The following ULK4 variants were observed in gnomAD, a reference collection of about 807,000 sequenced individuals.
ULK4 encodes inactive serine/threonine-protein kinase ULK4.
Under a neutral mutation model 160.6 loss-of-function variants are expected in ULK4, and 133 were observed. The observed-to-expected ratio is 0.83, with a 90% CI of 0.72 to 0.96. The LOEUF (loss-of-function observed/expected upper bound fraction) is 0.96, where lower values mean the gene tolerates loss of function less well. Ranked by LOEUF, ULK4 falls within the 40% of genes least tolerant of loss-of-function variation. The pLI is 0.00. For synonymous variants in ULK4, 534 were observed against 539.8 expected, an observed-to-expected ratio of 0.99 and a Z score of 0.15; for missense variants, 1,580 against 1,499.5, an observed-to-expected ratio of 1.05 and a Z score of -0.89.
chr3:41,721,106 T>C (rs1410680257), intron 22 of ULK4, among the ~76,000 whole-genome samples: 1 of 151,652 alleles, frequency 6.6e-6, no homozygotes, highest in Non-Finnish European at 1.5e-5. Flanking sequence ...ATAGGGAACT[T>C]TCGCTTATAA....
At chr3:41,630,756 C>T (rs2033708106) in intron 30 of ULK4, among the ~76,000 whole-genome samples, 1 of 152,182 alleles carries the variant, frequency 6.6e-6, no homozygotes, top group Admixed American at 6.5e-5. Flanking sequence ...GTTCCCTTCC[C>T]CCTGCCTCCT....
intron 22 of ULK4, among the ~76,000 whole-genome samples, chr3:41,730,560 T>C (rs1036019846): frequency 6.6e-6 from 1 of 152,058 alleles, no homozygotes. Context: ...TCTATCAAAA[T>C]TGAATCATGA....
At position 41,607,719 on chromosome 3, in the gene ULK4, G is replaced by C. The variant is rs75038335; in HGVS notation, c.3120+7950C>G. On this transcript the variant is annotated intron_variant, in intron 31 of 36. Coordinates refer to ENST00000301831, the MANE Select transcript of ULK4 (RefSeq NM_017886.4). Reference sequence around the variant, plus strand: ...ATTTGAGCATCCATCAGTGGAGACTGGCTAAACAAATTCTACTAAATACAA... The same window carrying C: ...ATTTGAGCATCCATCAGTGGAGACTCGCTAAACAAATTCTACTAAATACAA... 6.3e-4 allele frequency among the ~76,000 whole-genome samples: 96 copies of C among 152,212 alleles called. No homozygotes were observed. The East Asian group carries it at 7.7e-3, about 12-fold the overall frequency.
intron 18 of ULK4, among the ~76,000 whole-genome samples, chr3:41,825,649 CG>C (rs1436911995): frequency 6.6e-6 from 1 of 152,144 alleles, no homozygotes; most frequent in East Asian, 1.9e-4. Flanking sequence ...CCAAGAAATA[CG>C]GGACTATGTG....
intron 31 of ULK4, among the ~76,000 whole-genome samples, chr3:41,587,120 C>T (rs928963240): frequency 2.0e-5 from 3 of 152,124 alleles, no homozygotes; most frequent in African/African-American, 7.2e-5. Context: ...TAACAGAATT[C>T]AGTTGATTGT....
At chr3:41,732,410 G>T (rs547848807) in intron 22 of ULK4, among the ~76,000 whole-genome samples, 1 of 152,000 alleles carries the variant, frequency 6.6e-6, no homozygotes, top group Non-Finnish European at 1.5e-5. Flanking sequence ...AAACCACAAT[G>T]AGGTATCACC....
chr3:41,339,693 C>T (rs2080641083), intron 35 of ULK4, among the ~76,000 whole-genome samples: 1 of 152,168 alleles, frequency 6.6e-6, no homozygotes, highest in African/African-American at 2.4e-5. Flanking sequence ...CAATATTTTG[C>T]CACTCTTATA....
intron 36 of ULK4, among the ~76,000 whole-genome samples, chr3:41,249,207 G>A (rs1407431019): frequency 6.6e-6 from 1 of 152,116 alleles, no homozygotes; most frequent in African/African-American, 2.4e-5. Context: ...ACCTCTTCAG[G>A]GGCCTCAAGG....
At chr3:41,569,678 T>C (rs1412402788) in intron 31 of ULK4, among the ~76,000 whole-genome samples, 1 of 152,174 alleles carries the variant, frequency 6.6e-6, no homozygotes, top group Non-Finnish European at 1.5e-5. Context: ...CCCCTATTTA[T>C]ATTGCCTTTT....
At chr3:41,750,419 T>C (rs2038580536) in intron 22 of ULK4, among the ~76,000 whole-genome samples, 1 of 152,180 alleles carries the variant, frequency 6.6e-6, no homozygotes. Context: ...TGTTCTTTAC[T>C]CCTCCTAATG....
chr3:41,765,996 C>T (rs940699995), intron 21 of ULK4, among the ~76,000 whole-genome samples: 1 of 152,294 alleles, frequency 6.6e-6, no homozygotes, highest in Non-Finnish European at 1.5e-5. Flanking sequence ...TTAGGCCAGG[C>T]GTGGTGGCTC....
chr3:41,369,095 T>A (rs996408391), intron 35 of ULK4, among the ~76,000 whole-genome samples: 2 of 152,218 alleles, frequency 1.3e-5, no homozygotes, highest in African/African-American at 4.8e-5. Context: ...CAACTAATAA[T>A]AACATTTGAA....
At chr3:41,511,893 A>G (rs2085590977) in intron 32 of ULK4, among the ~76,000 whole-genome samples, 1 of 152,116 alleles carries the variant, frequency 6.6e-6, no homozygotes, top group Admixed American at 6.5e-5. Flanking sequence ...CCTCAACAAA[A>G]TAACCAATCC....
At chr3:41,523,504 T>G (rs2125933718) in intron 32 of ULK4, among the ~76,000 whole-genome samples, 1 of 152,064 alleles carries the variant, frequency 6.6e-6, no homozygotes, top group East Asian at 1.9e-4. Context: ...ATGGTAAATT[T>G]TATTTTATAT....
At chr3:41,632,395 G>C (rs758701942) in intron 30 of ULK4, among the ~76,000 whole-genome samples, 14 of 152,102 alleles carry the variant, frequency 9.2e-5, no homozygotes, top group Non-Finnish European at 1.9e-4. Context: ...TAACTTAATG[G>C]AATACAAGAG....
chr3:41,792,233 T>TGAATTC (rs1176731584), intron 20 of ULK4, among the ~76,000 whole-genome samples: 2 of 152,030 alleles, frequency 1.3e-5, no homozygotes, highest in South Asian at 2.1e-4. Context: ...AACAGAAAAA[T>TGAATTC]GAATTCACTT....
intron 22 of ULK4, among the ~76,000 whole-genome samples, chr3:41,729,213 A>G (rs1343768708): frequency 6.6e-6 from 1 of 152,208 alleles, no homozygotes; most frequent in Admixed American, 6.5e-5. Flanking sequence ...AATTGGGATC[A>G]ACTCGGAATC....
intron 18 of ULK4, among the ~76,000 whole-genome samples, chr3:41,824,636 C>CGAG (rs2041278208): frequency 1.3e-5 from 2 of 152,112 alleles, no homozygotes; most frequent in South Asian, 4.2e-4. Flanking sequence ...CTACCATTGC[C>CGAG]GAGGCTTGAG....
At chr3:41,850,284 G>C (rs1213816767) in intron 17 of ULK4, among the ~76,000 whole-genome samples, 1 of 152,222 alleles carries the variant, frequency 6.6e-6, no homozygotes, top group Non-Finnish European at 1.5e-5. Context: ...GTGTGCATGT[G>C]TCTTTATAGC....
Sources: gnomAD v4.1 joint callset for allele counts (sites outside exome capture counted in the v4.1 genomes callset) on GRCh38, gnomAD v4.1.1 for gene constraint, MANE v1.5 for transcripts, NCBI Gene and HGNC (gene_info 2026-07-23, HGNC 2026-07-21) for gene names.